The following SLC24A2 variants were observed in gnomAD, a reference collection of about 807,000 sequenced individuals.
SLC24A2 encodes solute carrier family 24 member 2.
Under a neutral mutation model 62.0 loss-of-function variants are expected in SLC24A2, and 36 were observed. That is an observed-to-expected ratio of 0.58 (90% CI 0.44 to 0.77). SLC24A2 has a LOEUF of 0.77. Ranked by LOEUF, SLC24A2 falls within the 30% of genes least tolerant of loss-of-function variation. The probability of loss-of-function intolerance (pLI) is 0.00; values close to 1 mark genes in which losing one functional copy is unlikely to be tolerated. For synonymous variants in SLC24A2, 358 were observed against 294.0 expected (o/e 1.22, Z -2.23); for missense variants, 846 against 817.9 (o/e 1.03, Z -0.42).
chr9:19,783,341 A>G lies in SLC24A2; in HGVS notation c.930+2596T>C, dbSNP rs193110049. On this transcript the variant is annotated intron_variant, in intron 2 of 10. Transcript: ENST00000341998. ...GACAATGAAGTGACTTTGCATGAAA[A>G]CATGCTTAGTATTTTGCTTCCTAAA... Among the ~76,000 whole-genome samples, 159 of 152,294 alleles carry G rather than the reference A, an allele frequency of 1.0e-3. No homozygotes were observed. The Middle Eastern group carries it at 0.014, about 13-fold the overall frequency.
chr9:19,621,855 G>A (rs1281636364), intron 3 of SLC24A2, among the ~76,000 whole-genome samples: 2 of 152,008 alleles, frequency 1.3e-5, no homozygotes, highest in Non-Finnish European at 2.9e-5. Flanking sequence ...TCTTTCTTTT[G>A]ATGAGACCAA....
chr9:19,839,933 C>A, the SLC24A2 span, among the ~76,000 whole-genome samples: 9 of 152,210 alleles, frequency 5.9e-5, no homozygotes, highest in East Asian at 1.7e-3. Flanking sequence ...ATACCATATA[C>A]CTTAGGTTTG....
At chr9:20,196,427 G>A in the SLC24A2 span, among the ~76,000 whole-genome samples, 1 of 152,132 alleles carries the variant, frequency 6.6e-6, no homozygotes, top group African/African-American at 2.4e-5. Flanking sequence ...ATATTTTGCT[G>A]GCCCAACATA....
At chr9:20,038,135 A>G in the SLC24A2 span, among the ~76,000 whole-genome samples, 1 of 152,144 alleles carries the variant, frequency 6.6e-6, no homozygotes, top group Non-Finnish European at 1.5e-5. Context: ...ATCTCCCAAA[A>G]ATATTCCCAT....
At chr9:19,605,613 A>G (rs1438065625) in intron 4 of SLC24A2, among the ~76,000 whole-genome samples, 1 of 152,242 alleles carries the variant, frequency 6.6e-6, no homozygotes, top group Non-Finnish European at 1.5e-5. Flanking sequence ...AAGAAAATAT[A>G]GAAAAGATAA....
the SLC24A2 span, among the ~76,000 whole-genome samples, chr9:19,933,115 T>C: frequency 1.3e-5 from 2 of 152,198 alleles, no homozygotes; most frequent in African/African-American, 2.4e-5. Flanking sequence ...TCCCAGGTTC[T>C]AGGAGCAGAA....
chr9:19,535,654 G>C (rs1029351249), intron 8 of SLC24A2, among the ~76,000 whole-genome samples: 2 of 152,148 alleles, frequency 1.3e-5, no homozygotes, highest in Non-Finnish European at 2.9e-5. Context: ...TCAAAGATTA[G>C]ATGATTGTAG....
chr9:20,085,941 G>C, the SLC24A2 span, among the ~76,000 whole-genome samples: 1 of 152,060 alleles, frequency 6.6e-6, no homozygotes, highest in South Asian at 2.1e-4. Context: ...GCAAATGCAT[G>C]GAAAGTGAGA....
At chr9:20,095,843 C>A in the SLC24A2 span, among the ~76,000 whole-genome samples, 1 of 152,028 alleles carries the variant, frequency 6.6e-6, no homozygotes, top group African/African-American at 2.4e-5. Flanking sequence ...AAAGGCAAGT[C>A]TTATATGGCA....
At chr9:19,549,469 C>T (rs532993190) in intron 8 of SLC24A2, among the ~76,000 whole-genome samples, 2 of 152,324 alleles carry the variant, frequency 1.3e-5, no homozygotes, top group African/African-American at 4.8e-5. Context: ...TGAATCATCA[C>T]AGACCATGCA....
At chr9:19,726,880 T>C (rs990417900) in intron 2 of SLC24A2, among the ~76,000 whole-genome samples, 2 of 152,230 alleles carry the variant, frequency 1.3e-5, no homozygotes, top group African/African-American at 4.8e-5. Context: ...TTTAAAGTTC[T>C]AATGAATGCT....
chr9:20,176,444 G>C, the SLC24A2 span, among the ~76,000 whole-genome samples: 1 of 152,028 alleles, frequency 6.6e-6, no homozygotes, highest in Non-Finnish European at 1.5e-5. Flanking sequence ...AGTATAAAAA[G>C]AGAAGTCAAT....
At chr9:19,685,999 A>G (rs1040862728) in intron 2 of SLC24A2, among the ~76,000 whole-genome samples, 7 of 152,178 alleles carry the variant, frequency 4.6e-5, no homozygotes, top group Non-Finnish European at 1.0e-4. Context: ...ATAATGGGAA[A>G]AATATTCACA....
chr9:19,516,121 C>T lies in SLC24A2; in HGVS notation c.*32G>A. ...GAGCCCAGAGTGTGGAGGGACCATT[C>T]ATGCTGCTGGTGCAAGATATGGCTT... is the stretch of plus-strand genomic sequence containing the variant. On this transcript the variant is annotated 3_prime_UTR_variant, in exon 11 of 11. Coordinates refer to ENST00000341998, the MANE Select transcript of SLC24A2 (RefSeq NM_020344.4). 1 of 1,613,636 alleles carries T rather than the reference C, an allele frequency of 6.2e-7. No homozygotes were observed. The highest frequency in any genetic ancestry group is 8.5e-7 in the Non-Finnish European group (1 of 1,179,796).
the SLC24A2 span, among the ~76,000 whole-genome samples, chr9:20,296,047 C>G: frequency 6.6e-6 from 1 of 152,168 alleles, no homozygotes; most frequent in Non-Finnish European, 1.5e-5. Flanking sequence ...GTTGTTCCCT[C>G]TAATTTAATT....
chr9:19,875,813 T>A, the SLC24A2 span, among the ~76,000 whole-genome samples: 1 of 152,194 alleles, frequency 6.6e-6, no homozygotes, highest in East Asian at 1.9e-4. Flanking sequence ...TGGGGCTAGA[T>A]CATGTCACTT....
chr9:19,807,441 A>C, the SLC24A2 span, among the ~76,000 whole-genome samples: 1 of 152,216 alleles, frequency 6.6e-6, no homozygotes, highest in Non-Finnish European at 1.5e-5. Flanking sequence ...GATATGTTAG[A>C]AGAAAAAGTA....
At chr9:19,664,734 C>T (rs947029303) in intron 2 of SLC24A2, among the ~76,000 whole-genome samples, 7 of 152,098 alleles carry the variant, frequency 4.6e-5, no homozygotes, top group African/African-American at 7.2e-5. Flanking sequence ...AGAGGACAGA[C>T]ACACAGAGAT....
chr9:20,191,809 A>G, the SLC24A2 span, among the ~76,000 whole-genome samples: 2 of 152,068 alleles, frequency 1.3e-5, no homozygotes, highest in African/African-American at 2.4e-5. Context: ...AAGAAATTTG[A>G]AGTGAAAAAA....
Sources: gnomAD v4.1 joint callset for allele counts (sites outside exome capture counted in the v4.1 genomes callset) on GRCh38, gnomAD v4.1.1 for gene constraint, MANE v1.5 for transcripts, NCBI Gene and HGNC (gene_info 2026-07-23, HGNC 2026-07-21) for gene names.